Variants in AUTS2 observed in about 807,000 individuals in gnomAD.
The protein encoded by AUTS2 is activator of transcription and developmental regulator AUTS2, also known as autism susceptibility gene 2 protein.
Under a neutral mutation model 112.4 loss-of-function variants are expected in AUTS2, and 17 were observed. That is an observed-to-expected ratio of 0.15 (90% confidence interval 0.10 to 0.23). AUTS2 has a LOEUF of 0.23. Ranked by LOEUF, AUTS2 falls within the 10% of genes least tolerant of loss-of-function variation. The pLI is 1.00. For synonymous variants in AUTS2, 751 were observed against 702.7 expected, an observed-to-expected ratio of 1.07 and a Z score of -1.09; for missense variants, 1,510 against 1,701.6, an observed-to-expected ratio of 0.89 and a Z score of 1.98.
chr7:69,967,409 C>G (rs375035900), intron 2 of AUTS2, among the ~76,000 whole-genome samples: 1 of 151,972 alleles, frequency 6.6e-6, no homozygotes, highest in Non-Finnish European at 1.5e-5. Flanking sequence ...TCTTGTCAGC[C>G]GGCCAACACA....
chr7:70,047,117 T>C (rs1263952599), intron 2 of AUTS2, among the ~76,000 whole-genome samples: 2 of 152,212 alleles, frequency 1.3e-5, no homozygotes, highest in Non-Finnish European at 2.9e-5. Context: ...TGTGATGGGA[T>C]GTCTAGATGA....
intron 18 of AUTS2, among the ~76,000 whole-genome samples, chr7:70,788,933 A>T (rs543112305): frequency 3.9e-4 from 60 of 152,302 alleles, no homozygotes; most frequent in Middle Eastern, 3.4e-3. Flanking sequence ...TTTTCTGCCC[A>T]ATACTCTTGA....
At chr7:69,902,958 G>A (rs1014424752) in intron 2 of AUTS2, among the ~76,000 whole-genome samples, 1 of 151,972 alleles carries the variant, frequency 6.6e-6, no homozygotes, top group African/African-American at 2.4e-5. Context: ...TTCCCAAAGG[G>A]GTTAAAATTA....
chr7:69,886,504 G>T (rs1343064747), intron 1 of AUTS2, among the ~76,000 whole-genome samples: 1 of 152,074 alleles, frequency 6.6e-6, no homozygotes, highest in East Asian at 1.9e-4. Context: ...CACAAATTTT[G>T]CCAGAAGTTG....
intron 2 of AUTS2, among the ~76,000 whole-genome samples, chr7:70,052,379 C>T (rs910766490): frequency 2.6e-5 from 4 of 152,120 alleles, no homozygotes; most frequent in African/African-American, 9.7e-5. Flanking sequence ...CTCTTTTACC[C>T]TGTTTAATCC....
chr7:69,856,697 T>C (rs2129530912), intron 1 of AUTS2, among the ~76,000 whole-genome samples: 1 of 152,336 alleles, frequency 6.6e-6, no homozygotes, highest in African/African-American at 2.4e-5. Flanking sequence ...CCTACTCACT[T>C]AAGAAATAAA....
At chr7:70,023,354 G>T (rs1170470256) in intron 2 of AUTS2, among the ~76,000 whole-genome samples, 2 of 152,164 alleles carry the variant, frequency 1.3e-5, no homozygotes, top group Non-Finnish European at 2.9e-5. Context: ...CGTTCCTGGT[G>T]AATGTCATTT....
chr7:70,462,280 A>G (rs1373790206), intron 5 of AUTS2, among the ~76,000 whole-genome samples: 1 of 152,138 alleles, frequency 6.6e-6, no homozygotes, highest in Admixed American at 6.6e-5. Context: ...TAAAAATAAT[A>G]AAATAAAGTG....
At chr7:69,638,455 A>G (rs903779046) in intron 1 of AUTS2, among the ~76,000 whole-genome samples, 7 of 152,232 alleles carry the variant, frequency 4.6e-5, no homozygotes, top group African/African-American at 1.7e-4. Flanking sequence ...CTAGAATTGT[A>G]TGTTTTTCCC....
rs986044096 is a variant in AUTS2, at chr7:70,694,858, C to T, written c.691-3711C>T. The T allele has an allele frequency of 7.2e-5, 11 of 151,996 alleles. No individual in the cohort carries two copies. The highest frequency in any genetic ancestry group is 3.3e-4 in the Admixed American group (5 of 15,274). The allele number at this position is 151,996 out of a possible 1,614,324, so 9.4% of individuals were successfully genotyped here. On this transcript the variant is annotated intron_variant, in intron 5 of 18. Transcript: ENST00000342771. The surrounding 1 kb of genome is among the most constrained non-coding windows in gnomAD (Gnocchi z 4.1). ...TCGGATCTGGTTCGGCGCCTCCGCTCTCGGACTTTGGCGAGGAAGGAGCCC... is the reference window on the plus strand; with the variant it reads ...TCGGATCTGGTTCGGCGCCTCCGCTTTCGGACTTTGGCGAGGAAGGAGCCC...
intron 4 of AUTS2, among the ~76,000 whole-genome samples, chr7:70,384,149 C>T (rs1214285073): frequency 2.0e-5 from 3 of 152,242 alleles, no homozygotes; most frequent in African/African-American, 7.2e-5. Flanking sequence ...TGCCTGTGAT[C>T]TGTGCGCATG....
chr7:70,246,965 AT>A (rs1378841600), intron 4 of AUTS2, among the ~76,000 whole-genome samples: 3 of 151,488 alleles, frequency 2.0e-5, no homozygotes, highest in Non-Finnish European at 4.4e-5. Flanking sequence ...TTTTGGTCCT[AT>A]TATAAATGGT....
At chr7:70,287,801 G>C (rs1469679273) in intron 4 of AUTS2, among the ~76,000 whole-genome samples, 1 of 149,170 alleles carries the variant, frequency 6.7e-6, no homozygotes, top group Non-Finnish European at 1.5e-5. Context: ...GATGAGTTTC[G>C]TATGTCTTCT....
chr7:70,641,320 C>T lies in AUTS2; in HGVS notation c.691-57249C>T, dbSNP rs550486039. 2.0e-5 allele frequency among the ~76,000 whole-genome samples: 3 copies of T among 152,202 alleles called. No homozygotes were observed. The South Asian group carries it at 6.2e-4, about 32-fold the overall frequency. On this transcript the variant is annotated intron_variant, in intron 5 of 18. Transcript: ENST00000342771. Reference sequence around the variant, plus strand: ...ATCCCAGCACTTTGGGAGGCCAAGGCAGGCGGATCACAAGGTCAGGAGATC... The same window carrying T: ...ATCCCAGCACTTTGGGAGGCCAAGGTAGGCGGATCACAAGGTCAGGAGATC...
chr7:70,051,205 G>A (rs545859254), intron 2 of AUTS2, among the ~76,000 whole-genome samples: 1 of 152,212 alleles, frequency 6.6e-6, no homozygotes, highest in South Asian at 2.1e-4. Context: ...AACAGGATAG[G>A]CAAAGGTGCC....
At chr7:70,428,559 T>C (rs904101896) in intron 4 of AUTS2, among the ~76,000 whole-genome samples, 1 of 152,216 alleles carries the variant, frequency 6.6e-6, no homozygotes, top group Non-Finnish European at 1.5e-5. Context: ...TTATACTTGA[T>C]GTTAGATATT....
At position 69,771,394 on chromosome 7, in the gene AUTS2, T is replaced by A. The variant is rs532814418; in HGVS notation, c.310-127892T>A. 9.8e-5 allele frequency among the ~76,000 whole-genome samples: 15 copies of A among 152,326 alleles called. No individual in the cohort carries two copies. In the South Asian group the frequency reaches 1.0e-3, roughly 11 times the overall value. ...AAAACATGTATTGCATGCAGGTAGG[T>A]CCCAGGCACAGTGTTGAACACGGGG... On this transcript the variant is annotated intron_variant, in intron 1 of 18. Coordinates refer to ENST00000342771, the MANE Select transcript of AUTS2 (RefSeq NM_015570.4).
intron 5 of AUTS2, among the ~76,000 whole-genome samples, chr7:70,620,527 G>C (rs1055239846): frequency 1.3e-5 from 2 of 152,096 alleles, no homozygotes; most frequent in African/African-American, 4.8e-5. Context: ...CTCCTGTGCT[G>C]GTGGCCAAGC....
Position 70,364,345 on chromosome 7 carries a change from C to T in AUTS2, c.661-71407C>T, listed in dbSNP as rs188843269. ...TTGGGAGGCCAAGATGGGCAGATCA[C>T]GAGGTCAGGAGATAAGAGAACATCC... is the stretch of plus-strand genomic sequence containing the variant. On this transcript the variant is annotated intron_variant, in intron 4 of 18. Transcript: ENST00000342771. 5.6e-3 allele frequency among the ~76,000 whole-genome samples: 853 copies of T among 151,882 alleles called. 3 individuals are homozygous for T. Among genetic ancestry groups the T allele is most frequent in the Non-Finnish European group, 9.5e-3 (644 of 67,962 alleles).
Sources: allele counts gnomAD v4.1 joint callset (sites outside exome capture counted in the v4.1 genomes callset), GRCh38; gene constraint gnomAD v4.1.1; non-coding constraint Gnocchi (gnomAD v3.1); transcripts MANE v1.5; gene names NCBI Gene and HGNC (gene_info 2026-07-23, HGNC 2026-07-21).